DYNC1H1: variants seen among roughly 807,000 people sequenced by gnomAD.
DYNC1H1 encodes the protein dynein cytoplasmic 1 heavy chain 1.
DYNC1H1 carries 51 observed loss-of-function variants against 527.1 expected under a neutral mutation model. The ratio of observed to expected loss-of-function variants is 0.10; its 90% CI spans 0.08 to 0.12. DYNC1H1 has a LOEUF of 0.12. Ranked by LOEUF, DYNC1H1 falls within the 10% of genes least tolerant of loss-of-function variation. DYNC1H1 has a pLI of 1.00. For synonymous variants in DYNC1H1, 2,189 were observed against 2,278.8 expected, an observed-to-expected ratio of 0.96 and a Z score of 1.12; for missense variants, 2,771 against 5,971.8, an observed-to-expected ratio of 0.46 and a Z score of 17.66.
At position 102,039,286 on chromosome 14, in the gene DYNC1H1, G is replaced by A. The variant is rs1454214993; in HGVS notation, c.11460+32G>A. The A allele has an allele frequency of 1.9e-6, 3 of 1,611,634 alleles. No individual in the cohort carries two copies. In the African/African-American group the frequency reaches 4.0e-5, roughly 22 times the overall value. On this transcript the variant is annotated intron_variant, in intron 60 of 77. Transcript: ENST00000360184. The surrounding 1 kb of genome is among the most constrained non-coding windows in gnomAD (Gnocchi z 7.0). ...GCCTTGGCCATGCAGAGACTGGCGG[G>A]CCCCGCACAGTAGCTCCTTGGCCGC... is the stretch of plus-strand genomic sequence containing the variant.
Position 102,040,403 on chromosome 14 carries a change from C to T in DYNC1H1, c.11858C>T (p.Ala3953Val), listed in dbSNP as rs1319152853. ...AFKDLIAKVQ[A>V]DEQFGIWLDS... The stretch of plus-strand genomic sequence containing the variant: ...AAGGACTTGATTGCAAAGGTTCAGG[C>T]AGACGAGGTGATTGTTCTCTTGAAT... The change falls in exon 63 of 78, where the codon GCA becomes GTA. Residue 3953 changes from alanine to valine, a missense_variant. Physicochemically the swap from Ala to Val is moderately conservative, Grantham distance 64. Around this residue, in one of 32 missense-constraint regions of DYNC1H1, gnomAD observed 120 missense variants for 161.9 expected, o/e 0.74. Coordinates refer to ENST00000360184, the MANE Select transcript of DYNC1H1 (RefSeq NM_001376.5). 8 of 1,614,188 alleles carry T rather than the reference C, an allele frequency of 5.0e-6. No individual in the cohort carries two copies. The highest frequency in any genetic ancestry group is 1.6e-4 in the Middle Eastern group (1 of 6,062).
At position 102,004,575 on chromosome 14, in the gene DYNC1H1, C is replaced by T. The variant is rs748301926; in HGVS notation, c.4941C>T (p.Val1647=). 1.2e-5 allele frequency: 19 copies of T among 1,614,000 alleles called. No homozygotes were observed. The East Asian group carries it at 2.0e-4, about 17-fold the overall frequency. The change falls in exon 24 of 78, where the codon GTC becomes GTT. Residue 1647 remains valine, a synonymous_variant. Transcript: ENST00000360184. ...LLEIIGNSKN[V]AKLQKHFKKM... ...AAATCATTGGAAACAGCAAGAATGT[C>T]GCTAAATTACAGAAACACTTCAAGA... is the stretch of plus-strand genomic sequence containing the variant.
At position 102,004,873 on chromosome 14, in the gene DYNC1H1, G is replaced by A. The variant is rs2048178689; in HGVS notation, c.5161G>A (p.Val1721Ile). ...CCTGGCCAAACTGCTTGCTGAGTCT[G>A]TTACGGAAGTTGAGATTTTTGGTAA... is the stretch of plus-strand genomic sequence containing the variant. ...VTLAKLLAES[V>I]TEVEIFGKAT... Residue 1721 changes from valine to isoleucine, a missense_variant, in exon 25 of 78, where the codon GTT becomes ATT. By Grantham distance (29) the Val-to-Ile change is conservative. Transcript: ENST00000360184. The A allele has an allele frequency of 3.1e-6, 5 of 1,614,112 alleles. No individual in the cohort carries two copies. The highest frequency in any genetic ancestry group is 4.2e-6 in the Non-Finnish European group (5 of 1,180,064).
Position 101,986,822 on chromosome 14 carries a change from G to A in DYNC1H1, c.2538+59G>A, listed in dbSNP as rs2141275327. On this transcript the variant is annotated intron_variant, in intron 8 of 77. Coordinates refer to ENST00000360184, the MANE Select transcript of DYNC1H1 (RefSeq NM_001376.5). This position sits in a 1 kb window ranked among gnomAD's most constrained non-coding sequence, Gnocchi z 8.7. ...AACGAATGAAGCACAGTAATAGCGA[G>A]CTCAGTTAAAACACTAGTTCTCCCG... The A allele has an allele frequency of 6.3e-7, 1 of 1,595,264 alleles. No homozygotes were observed. Among genetic ancestry groups the A allele is most frequent in the Non-Finnish European group, 8.6e-7 (1 of 1,163,724 alleles).
rs549356635 is a variant in DYNC1H1 at position 101,988,314 on chromosome 14, G to A, written c.2719-389G>A. Among the ~76,000 whole-genome samples, 3 of 152,276 alleles carry A rather than the reference G, an allele frequency of 2.0e-5. No homozygotes were observed. The South Asian group carries it at 6.2e-4, about 32-fold the overall frequency. On this transcript the variant is annotated intron_variant, in intron 9 of 77. Transcript: ENST00000360184. The stretch of plus-strand genomic sequence containing the variant: ...CCCAATTTAGAAACAGCCACATTCT[G>A]CCCCCACCCGTATCCCCGTAGACAA...
chr14:101,965,094 C>T lies in DYNC1H1; in HGVS notation c.256+147C>T. 1.1e-6 allele frequency: 1 copy of T among 877,696 alleles called. No individual in the cohort carries two copies. The allele number at this position is 877,696 out of a possible 1,614,324, so 54.4% of individuals were successfully genotyped here. A position where few individuals can be genotyped will look rare whatever the true frequency, so the allele number is the denominator to read the frequency against. Reference sequence around the variant, plus strand: ...CTGGATGGGCAGAGCCCGGCGGCCGCAGACGTCCCGCCGGCCGGGTCCCCA... The same window carrying T: ...CTGGATGGGCAGAGCCCGGCGGCCGTAGACGTCCCGCCGGCCGGGTCCCCA... On this transcript the variant is annotated intron_variant, in intron 1 of 77. Transcript: ENST00000360184. This position sits in a 1 kb window ranked among gnomAD's most constrained non-coding sequence, Gnocchi z 4.1.
At position 101,997,184 on chromosome 14, in the gene DYNC1H1, C is replaced by G; in HGVS notation, c.3714C>G (p.Asn1238Lys). The change falls in exon 16 of 78, where the codon AAC becomes AAG. Residue 1238 changes from asparagine to lysine, a missense_variant. Around this residue, in one of 32 missense-constraint regions of DYNC1H1, gnomAD observed 223 missense variants for 462.5 expected, o/e 0.48. Transcript: ENST00000360184. The surrounding 1 kb of genome is among the most constrained non-coding windows in gnomAD (Gnocchi z 4.8). ...CTGCCATTCAGCAGCAGGTGGCAAA[C>G]CTGCAAATGAAGATTGTCCAGGAGG... ...KDSAIQQQVA[N>K]LQMKIVQEDR... 1 of 1,614,082 alleles carries G rather than the reference C, an allele frequency of 6.2e-7. No homozygotes were observed. The highest frequency in any genetic ancestry group is 2.2e-5 in the East Asian group (1 of 44,876).
At chr14:102,000,465 G>T in intron 18 of DYNC1H1, 66 bp downstream of exon 18, 1 of 1,461,166 alleles carries the variant, frequency 6.8e-7, no homozygotes, top group East Asian at 2.3e-5. Flanking sequence ...TTAGGAACGT[G>T]ACAAGCCAAG....
rs759955826 is a variant in DYNC1H1, at chr14:102,005,845, G to T, written c.5434-43G>T. On this transcript the variant is annotated intron_variant, in intron 26 of 77. Coordinates refer to ENST00000360184, the MANE Select transcript of DYNC1H1 (RefSeq NM_001376.5). This position sits in a 1 kb window ranked among gnomAD's most constrained non-coding sequence, Gnocchi z 4.0. ...ACAAACCCGGAGAATGCACTGTATTGCTTTAGTGTAGATGAACTTTTAAAG... is the reference window on the plus strand; with the variant it reads ...ACAAACCCGGAGAATGCACTGTATTTCTTTAGTGTAGATGAACTTTTAAAG... 2 of 1,612,600 alleles carry T rather than the reference G, an allele frequency of 1.2e-6. No individual in the cohort carries two copies. Among genetic ancestry groups the T allele is most frequent in the Non-Finnish European group, 1.7e-6 (2 of 1,178,870 alleles).
At chr14:102,019,826 A>G (rs2152584534) in intron 41 of DYNC1H1, 67 bp from the exon 42 acceptor site, 1 of 1,598,922 alleles carries the variant, frequency 6.3e-7, no homozygotes, top group African/African-American at 1.3e-5. Context: ...GCCACATTTT[A>G]CCTTTTGACC....
Position 102,001,869 on chromosome 14 carries a change from G to A in DYNC1H1, c.4542+188G>A, listed in dbSNP as rs1282428273. Among the ~76,000 whole-genome samples the A allele has an allele frequency of 6.6e-6, 1 of 152,106 alleles. No homozygotes were observed. The highest frequency in any genetic ancestry group is 2.1e-4 in the South Asian group (1 of 4,816). On this transcript the variant is annotated intron_variant, in intron 21 of 77. Coordinates refer to ENST00000360184, the MANE Select transcript of DYNC1H1 (RefSeq NM_001376.5). The surrounding 1 kb of genome is among the most constrained non-coding windows in gnomAD (Gnocchi z 5.0). ...TCACTGCTGCAGCCTTGACTTCCTG[G>A]GCTCAAGTGATCTTCCCACCTCAGC...
At chr14:102,022,684 T>G in intron 42 of DYNC1H1, 67 bp from the exon 43 acceptor site, 1 of 1,609,540 alleles carries the variant, frequency 6.2e-7, no homozygotes, top group Non-Finnish European at 8.5e-7. Context: ...CCCACAAACA[T>G]GGTGAACATG....
intron 34 of DYNC1H1, among the ~76,000 whole-genome samples, chr14:102,013,274 G>T (rs78366644): frequency 1.1e-4 from 16 of 139,668 alleles, no homozygotes; most frequent in Admixed American, 1.0e-3. Flanking sequence ...AAAAAAAAAG[G>T]CAGGAAGACA....
chr14:102,047,637 G>GTATATATA lies in DYNC1H1; in HGVS notation c.13007-179_13007-178insATATATAT, dbSNP rs1311727690. ...TATATACACGTGTGTGTGTGTGTGT[G>GTATATATA]TGTGTATATATATATATATATATAT... On this transcript the variant is annotated intron_variant, in intron 72 of 77. Transcript: ENST00000360184. The GTATATATA allele has an allele frequency of 6.2e-4, 243 of 394,052 alleles. 4 individuals are homozygous for GTATATATA. The highest frequency in any genetic ancestry group is 4.7e-3 in the African/African-American group (105 of 22,482). 24.4% of individuals were successfully genotyped at this position (394,052 alleles called of 1,614,324 possible).
intron 16 of DYNC1H1, among the ~76,000 whole-genome samples, chr14:101,999,334 TAGTA>T (rs1369483860): frequency 3.3e-5 from 5 of 151,968 alleles, no homozygotes. Flanking sequence ...TGTTTATTTT[TAGTA>T]GAGATGAAGT....
Position 102,000,754 on chromosome 14 carries a change from A to G in DYNC1H1, c.4075-200A>G, listed in dbSNP as rs547432634. 13 of 551,384 alleles carry G rather than the reference A, an allele frequency of 2.4e-5. No homozygotes were observed. The East Asian group carries it at 4.2e-4, about 18-fold the overall frequency. 34.2% of individuals were successfully genotyped at this position (551,384 alleles called of 1,614,324 possible). ...CACGCCCGGCTAATTTTGTATTTTTAGTAGAGACAGGGTTTCTCCATATTG... is the reference window on the plus strand; with the variant it reads ...CACGCCCGGCTAATTTTGTATTTTTGGTAGAGACAGGGTTTCTCCATATTG... On this transcript the variant is annotated intron_variant, in intron 18 of 77. Transcript: ENST00000360184.
At position 102,005,614 on chromosome 14, in the gene DYNC1H1, C is replaced by G. The variant is rs1462190530; in HGVS notation, c.5434-274C>G. The stretch of plus-strand genomic sequence containing the variant: ...GATAGACGTCAGAAAGCTAGTCTTC[C>G]ATGATGTTTTAGAATGGTTGCAGAA... On this transcript the variant is annotated intron_variant, in intron 26 of 77. Transcript: ENST00000360184. The surrounding 1 kb of genome is among the most constrained non-coding windows in gnomAD (Gnocchi z 4.0). Among the ~76,000 whole-genome samples the G allele has an allele frequency of 6.6e-6, 1 of 152,222 alleles. No individual in the cohort carries two copies. Among genetic ancestry groups the G allele is most frequent in the East Asian group, 1.9e-4 (1 of 5,202 alleles).
intron 52 of DYNC1H1, 132 bp from the exon 53 acceptor site, chr14:102,032,933 G>T: frequency 1.1e-6 from 1 of 901,268 alleles, no homozygotes; most frequent in Non-Finnish European, 1.8e-6. Context: ...GGTCAGTCTA[G>T]CTCATCCCCA....
chr14:101,998,770 CA>C (rs777602089), intron 16 of DYNC1H1, among the ~76,000 whole-genome samples: 5 of 151,962 alleles, frequency 3.3e-5, no homozygotes, highest in Non-Finnish European at 7.3e-5. Flanking sequence ...GTGCTTGCTC[CA>C]GTGGAGGAGT....
Sources: allele counts gnomAD v4.1 joint callset (sites outside exome capture counted in the v4.1 genomes callset), GRCh38; gene constraint gnomAD v4.1.1; regional missense constraint gnomAD v4.1.1; non-coding constraint Gnocchi (gnomAD v3.1); transcripts MANE v1.5; gene names NCBI Gene and HGNC (gene_info 2026-07-23, HGNC 2026-07-21).